The following ENTPD6 variants were observed in gnomAD, a reference collection of about 807,000 sequenced individuals.
ENTPD6 encodes ectonucleoside triphosphate diphosphohydrolase 6.
Under a neutral mutation model 61.5 loss-of-function variants are expected in ENTPD6, and 46 were observed. The ratio of observed to expected loss-of-function variants is 0.75; its 90% CI spans 0.59 to 0.96. The LOEUF (loss-of-function observed/expected upper bound fraction) is 0.96, where lower values mean the gene tolerates loss of function less well. Ranked by LOEUF, ENTPD6 falls within the 40% of genes least tolerant of loss-of-function variation. ENTPD6 has a pLI of 0.00. For missense variants in ENTPD6, 612 were observed against 629.0 expected (o/e 0.97, Z 0.29); for synonymous variants, 252 against 255.5 (o/e 0.99, Z 0.13).
At chr20:25,201,400 C>T (rs2091020268) in intron 1 of ENTPD6, among the ~76,000 whole-genome samples, 1 of 152,124 alleles carries the variant, frequency 6.6e-6, no homozygotes, top group Non-Finnish European at 1.5e-5. Context: ...GTCTATTTCT[C>T]TTCAATTTTA....
intron 1 of ENTPD6, 48 bp downstream of exon 1, chr20:25,195,915 C>CT: frequency 1.6e-6 from 2 of 1,218,222 alleles, no homozygotes; most frequent in East Asian, 6.3e-5. Context: ...GGATCACCGA[C>CT]TGTAGGCGGG....
chr20:25,225,179 C>T (rs900698644), intron 13 of ENTPD6, 26 bp from the exon 14 acceptor site: 38 of 1,598,696 alleles, frequency 2.4e-5, no homozygotes, highest in Admixed American at 5.1e-5. Flanking sequence ...TCACCTGGAG[C>T]GTGAAGGGAC....
Position 25,206,594 on chromosome 20 carries a change from T to C in ENTPD6, c.54+4T>C. On this transcript the variant is annotated splice_donor_region_variant and intron_variant, in intron 2 of 14. Coordinates refer to ENST00000376652, the MANE Select transcript of ENTPD6 (RefSeq NM_001247.5). ...AAAAACGAGCTACATTTTTCAGGTT[T>C]GTCTGGGGCTCTCAGTAGTTGCCCA... 1 of 1,610,288 alleles carries C rather than the reference T, an allele frequency of 6.2e-7. No homozygotes were observed. The highest frequency in any genetic ancestry group is 8.5e-7 in the Non-Finnish European group (1 of 1,176,414).
At chr20:25,224,312 G>A (rs192624744) in intron 13 of ENTPD6, 155 bp downstream of exon 13, 257 of 519,058 alleles carry the variant, frequency 5.0e-4, no homozygotes, top group African/African-American at 4.3e-3. Context: ...CACCGTCCTT[G>A]TCCCACCCTC....
chr20:25,196,221 G>A (rs562320895), intron 1 of ENTPD6: 4 of 1,156,380 alleles, frequency 3.5e-6, no homozygotes, highest in East Asian at 4.1e-5. Flanking sequence ...TGAGCCCGGC[G>A]GGGAAGCTTC....
chr20:25,206,654 G>T (rs2091523332), intron 2 of ENTPD6, 64 bp downstream of exon 2: 3 of 1,181,374 alleles, frequency 2.5e-6, no homozygotes, highest in Non-Finnish European at 3.8e-6. Flanking sequence ...AAAGTAAATT[G>T]CCTGAATAGA....
Position 25,225,702 on chromosome 20 carries a change from G to GT in ENTPD6, c.*105_*106insT. On this transcript the variant is annotated 3_prime_UTR_variant, in exon 15 of 15. Transcript: ENST00000376652. ...GAGGAGCCACAGCACAGGCCGTGCT[G>GT]GCACTTTCTGCACACTGGCTCTGGG... The GT allele has an allele frequency of 1.1e-6, 1 of 919,110 alleles. No individual in the cohort carries two copies. The highest frequency in any genetic ancestry group is 1.7e-6 in the Non-Finnish European group (1 of 589,298). The allele number at this position is 919,110 out of a possible 1,614,324, so 56.9% of individuals were successfully genotyped here. A position where few individuals can be genotyped will look rare whatever the true frequency, so the allele number is the denominator to read the frequency against.
intron 1 of ENTPD6, among the ~76,000 whole-genome samples, chr20:25,202,258 T>G (rs1255260531): frequency 6.6e-6 from 1 of 152,046 alleles, no homozygotes; most frequent in East Asian, 1.9e-4. Flanking sequence ...TGGAAGAAAA[T>G]CTGGATATAA....
chr20:25,220,450 T>C (rs1023980686), intron 10 of ENTPD6, among the ~76,000 whole-genome samples: 2 of 150,476 alleles, frequency 1.3e-5, no homozygotes, highest in Non-Finnish European at 3.0e-5. Context: ...CTAGACTCCC[T>C]GCTGGGGTCC....
intron 1 of ENTPD6, 22 bp downstream of exon 1, chr20:25,195,889 T>G: frequency 8.1e-7 from 1 of 1,232,692 alleles, no homozygotes; most frequent in Non-Finnish European, 1.0e-6. Flanking sequence ...GCCGGGGCGC[T>G]GGCGGGGGCG....
At chr20:25,208,863 G>A (rs2091721995) in intron 3 of ENTPD6, among the ~76,000 whole-genome samples, 1 of 152,148 alleles carries the variant, frequency 6.6e-6, no homozygotes, top group South Asian at 2.1e-4. Context: ...TAACACTGAT[G>A]CAGTTGTTTT....
At chr20:25,215,430 A>AG (rs1318321650) in intron 6 of ENTPD6, among the ~76,000 whole-genome samples, 1 of 152,196 alleles carries the variant, frequency 6.6e-6, no homozygotes, top group African/African-American at 2.4e-5. Context: ...TAATAACCAG[A>AG]GGAGAGACGC....
Position 25,195,767 on chromosome 20 carries a change from G to A in ENTPD6, c.-116G>A, listed in dbSNP as rs920353078. 2.9e-6 allele frequency: 3 copies of A among 1,045,008 alleles called. No homozygotes were observed. Among genetic ancestry groups the A allele is most frequent in the Non-Finnish European group, 3.7e-6 (3 of 810,268 alleles). 64.7% of individuals were successfully genotyped at this position (1,045,008 alleles called of 1,614,324 possible). A position where few individuals can be genotyped will look rare whatever the true frequency, so the allele number is the denominator to read the frequency against. ...TCGTATCCCGCGGGTGGAGGCCGGG[G>A]TGGCGCCGGCCGGGGCGGGGGAGCC... On this transcript the variant is annotated 5_prime_UTR_variant, in exon 1 of 15. The change creates a new upstream start codon in the 5' untranslated region. Transcript: ENST00000376652.
At chr20:25,220,488 G>A (rs1011957679) in intron 10 of ENTPD6, among the ~76,000 whole-genome samples, 2 of 152,196 alleles carry the variant, frequency 1.3e-5, no homozygotes, top group African/African-American at 4.8e-5. Flanking sequence ...GCCTGTGGCT[G>A]TGGCAGCTGT....
At chr20:25,200,481 T>C (rs2090946176) in intron 1 of ENTPD6, among the ~76,000 whole-genome samples, 1 of 152,232 alleles carries the variant, frequency 6.6e-6, no homozygotes, top group African/African-American at 2.4e-5. Flanking sequence ...TGGTGTCGTA[T>C]CTAAGAAATC....
At chr20:25,219,651 T>C (rs1268451619) in intron 10 of ENTPD6, among the ~76,000 whole-genome samples, 1 of 152,212 alleles carries the variant, frequency 6.6e-6, no homozygotes, top group Non-Finnish European at 1.5e-5. Context: ...CACAGAGGCC[T>C]TCCCAAGGCC....
In ENTPD6 at chr20:25,226,958, C is replaced by T. The variant is rs1279078003; in HGVS notation, c.*1361C>T. Reference sequence around the variant, plus strand: ...GAGCACAGCTCCTCCTGTGCCAGGCCAGCAGCCCACAGCACGGCCAGGTGA... The same window carrying T: ...GAGCACAGCTCCTCCTGTGCCAGGCTAGCAGCCCACAGCACGGCCAGGTGA... On this transcript the variant is annotated 3_prime_UTR_variant, in exon 15 of 15. Coordinates refer to ENST00000376652, the MANE Select transcript of ENTPD6 (RefSeq NM_001247.5). 6.6e-6 allele frequency among the ~76,000 whole-genome samples: 1 copy of T among 152,270 alleles called. No individual in the cohort carries two copies. Among genetic ancestry groups the T allele is most frequent in the Non-Finnish European group, 1.5e-5 (1 of 68,046 alleles).
chr20:25,225,140 G>A, intron 13 of ENTPD6, 65 bp from the exon 14 acceptor site: 3 of 1,552,880 alleles, frequency 1.9e-6, no homozygotes, highest in Non-Finnish European at 1.7e-6. Flanking sequence ...ATTGGGGTCT[G>A]CACTTGCCCC....
At chr20:25,215,831 C>A in intron 7 of ENTPD6, 120 bp downstream of exon 7, 1 of 1,094,988 alleles carries the variant, frequency 9.1e-7, no homozygotes, top group Non-Finnish European at 1.4e-6. Flanking sequence ...CAGGGTTTGG[C>A]AGTGTTGCTG....
Sources: gnomAD v4.1 joint callset for allele counts (sites outside exome capture counted in the v4.1 genomes callset) on GRCh38, gnomAD v4.1.1 for gene constraint, MANE v1.5 for transcripts, NCBI Gene and HGNC (gene_info 2026-07-23, HGNC 2026-07-21) for gene names.